The following MORC4 variants were observed in gnomAD, a reference collection of about 807,000 sequenced individuals.
The protein encoded by MORC4 is MORC family CW-type zinc finger protein 4.
In MORC4, 22 loss-of-function variants were observed where a neutral mutation model predicts 65.5. That is an observed-to-expected ratio of 0.34 (90% CI 0.24 to 0.48). The LOEUF is 0.48. Ranked by LOEUF, MORC4 falls within the 20% of genes least tolerant of loss-of-function variation. The pLI is 0.99. For missense variants in MORC4, 624 were observed against 703.0 expected, an observed-to-expected ratio of 0.89 and a Z score of 1.27; for synonymous variants, 267 against 255.8, an observed-to-expected ratio of 1.04 and a Z score of -0.42.
intron 16 of MORC4, 96 bp from the exon 17 acceptor site, chrX:106,941,728 C>A: frequency 1.1e-6 from 1 of 937,283 alleles, no homozygotes; most frequent in South Asian, 2.4e-5. Context: ...CCACATTTCT[C>A]AACAGTTATG....
intron 2 of MORC4, among the ~76,000 whole-genome samples, chrX:106,998,684 C>A (rs1384006079): frequency 4.5e-5 from 5 of 112,058 alleles, no homozygotes; most frequent in African/African-American, 1.6e-4. Flanking sequence ...TGCCTTTCAC[C>A]TTCTAATTAA....
chrX:106,942,395 G>A, intron 15 of MORC4, 120 bp downstream of exon 15: 1 of 872,396 alleles, frequency 1.1e-6, no homozygotes, highest in Non-Finnish European at 1.6e-6. Flanking sequence ...ACACACCACA[G>A]AATAGTTCAG....
At chrX:106,993,107 A>G (rs1935010657) in intron 3 of MORC4, 123 bp downstream of exon 3, 2 of 739,350 alleles carry the variant, frequency 2.7e-6, no homozygotes, top group South Asian at 3.1e-5. Context: ...CTGGCACATA[A>G]GAGATGCTTA....
chrX:106,992,355 A>G (rs1934999293), intron 3 of MORC4, among the ~76,000 whole-genome samples: 1 of 112,373 alleles, frequency 8.9e-6, no homozygotes, highest in Non-Finnish European at 1.9e-5. Flanking sequence ...CCTCCTCCAC[A>G]GCATTCCACC....
rs765658731 is a variant in MORC4, at chrX:106,942,221, C to T, written c.2377G>A (p.Val793Met). 3.9e-5 allele frequency: 47 copies of T among 1,198,694 alleles called. No individual in the cohort carries two copies. In the Admixed American group the frequency reaches 5.2e-4, roughly 13 times the overall value. ...LAERNLFQQK[V>M]EELEQERNHW... Reference sequence around the variant, plus strand: ...TTCCTCTCCTGTTCCAGCTCCTCCACCTGCAGTCCAAGAAACAGAAATTCA... The same window carrying T: ...TTCCTCTCCTGTTCCAGCTCCTCCATCTGCAGTCCAAGAAACAGAAATTCA... The change falls in exon 16 of 17, where the codon GTG (valine) becomes ATG (methionine). Residue 793 changes from valine to methionine, a missense_variant and splice_region_variant. Val to Met is a conservative substitution (Grantham distance 21). Transcript: ENST00000355610.
chrX:106,977,239 T>G lies in MORC4; in HGVS notation c.1057-555A>C, dbSNP rs1328659067. Reference sequence around the variant, plus strand: ...AGTTTTATAGATTTAAATCATATTCTAATTCTTTAATGGAAGAAACTAAGT... The same window carrying G: ...AGTTTTATAGATTTAAATCATATTCGAATTCTTTAATGGAAGAAACTAAGT... On this transcript the variant is annotated intron_variant, in intron 8 of 16. Transcript: ENST00000355610. Among the ~76,000 whole-genome samples the G allele has an allele frequency of 2.7e-5, 3 of 111,778 alleles. No individual in the cohort carries two copies. The Admixed American group carries it at 2.9e-4, about 11-fold the overall frequency.
At chrX:106,961,938 C>T in intron 10 of MORC4, 74 bp downstream of exon 10, 2 of 877,690 alleles carry the variant, frequency 2.3e-6, no homozygotes, top group Non-Finnish European at 3.3e-6. Context: ...AATCCAGACA[C>T]ATTACCCTTG....
chrX:106,999,932 G>A lies in MORC4; in HGVS notation c.38C>T (p.Ala13Val). The A allele has an allele frequency of 2.3e-6, 2 of 870,274 alleles. No homozygotes were observed. The highest frequency in any genetic ancestry group is 2.8e-6 in the Non-Finnish European group (2 of 709,966). 71.7% of individuals were successfully genotyped at this position (870,274 alleles called of 1,213,427 possible). A position where few individuals can be genotyped will look rare whatever the true frequency, so the allele number is the denominator to read the frequency against. The change falls in exon 1 of 17, where the codon GCG becomes GTG. Residue 13 changes from alanine (A) to valine (V), a missense_variant. By Grantham distance (64) the Ala-to-Val change is moderately conservative (BLOSUM62 0). Transcript: ENST00000355610. ...LYRGAPAGPG[A>V]PGCGLARPGG... ...GGGCCGGGCCAGCCCGCAGCCCGGC[G>A]CGCCAGGGCCGGCGGGGGCCCCTCG...
In MORC4 at chrX:106,999,949, G is replaced by A. The variant is rs774510806; in HGVS notation, c.21C>T (p.Ala7=). ...AGCCCGGCGCGCCAGGGCCGGCGGG[G>A]GCCCCTCGGTACAGGAGCATTTTTT... MLLYRG[A]PAGPGAPGCG... The change falls in exon 1 of 17, where the codon GCC becomes GCT. Residue 7 remains alanine (A), a synonymous_variant. Coordinates refer to ENST00000355610, the MANE Select transcript of MORC4 (RefSeq NM_024657.5). 2 of 877,472 alleles carry A rather than the reference G, an allele frequency of 2.3e-6. No homozygotes were observed. Among genetic ancestry groups the A allele is most frequent in the Admixed American group, 9.5e-5 (2 of 21,076 alleles). The allele number at this position is 877,472 out of a possible 1,213,427, so 72.3% of individuals were successfully genotyped here.
chrX:106,996,115 G>C (rs906187835), intron 2 of MORC4, among the ~76,000 whole-genome samples: 3 of 110,557 alleles, frequency 2.7e-5, no homozygotes, highest in Non-Finnish European at 3.8e-5. Context: ...CAGCTCAAAG[G>C]CCTCTCACAA....
rs1935145294 is a variant in MORC4 at position 106,999,766 on chromosome X, G to A, written c.103-17C>T. The A allele has an allele frequency of 9.4e-7, 1 of 1,067,900 alleles. No homozygotes were observed. Among genetic ancestry groups the A allele is most frequent in the African/African-American group, 2.0e-5 (1 of 50,139 alleles). 88.0% of individuals were successfully genotyped at this position (1,067,900 alleles called of 1,213,427 possible). Reference sequence around the variant, plus strand: ...GGGGCTCATCTGGGGGCGAGAGAAGGTCCCGACCCGCGTGAGGCCTCGGCC... The same window carrying A: ...GGGGCTCATCTGGGGGCGAGAGAAGATCCCGACCCGCGTGAGGCCTCGGCC... On this transcript the variant is annotated splice_polypyrimidine_tract_variant and intron_variant, in intron 1 of 16. Transcript: ENST00000355610.
At chrX:106,962,682 C>T (rs1490051326) in intron 9 of MORC4, among the ~76,000 whole-genome samples, 6 of 112,050 alleles carry the variant, frequency 5.4e-5, no homozygotes, top group Non-Finnish European at 7.5e-5. Context: ...ACCACATAGC[C>T]GTTACTGGAG....
rs2030843585 is a variant in MORC4, at chrX:106,981,476, T to C, written c.676A>G (p.Asn226Asp). 9 of 1,190,362 alleles carry C rather than the reference T, an allele frequency of 7.6e-6. No homozygotes were observed. Among genetic ancestry groups the C allele is most frequent in the Non-Finnish European group, 1.0e-5 (9 of 886,825 alleles). Residue 226 changes from asparagine (N) to aspartate (D), a missense_variant and splice_region_variant, in exon 6 of 17, where the codon AAT becomes GAT. Coordinates refer to ENST00000355610, the MANE Select transcript of MORC4 (RefSeq NM_024657.5). ...TCCAACTCAGATTTTCCATTTTTATTTCTGGGGAAAAGAGACAAGTACCAA... is the reference window on the plus strand; with the variant it reads ...TCCAACTCAGATTTTCCATTTTTATCTCTGGGGAAAAGAGACAAGTACCAA... ...TRVLIWNIRRNKNGKSELDFD... is the reference protein window; with the variant it reads ...TRVLIWNIRRDKNGKSELDFD...
intron 5 of MORC4, among the ~76,000 whole-genome samples, chrX:106,981,750 T>C (rs1292617298): frequency 1.8e-5 from 2 of 111,769 alleles, no homozygotes; most frequent in Non-Finnish European, 3.8e-5. Flanking sequence ...TATGATCTGA[T>C]AAATCAAATG....
At chrX:106,967,765 G>C (rs1732212990) in intron 9 of MORC4, among the ~76,000 whole-genome samples, 1 of 111,726 alleles carries the variant, frequency 9.0e-6, no homozygotes, top group Non-Finnish European at 1.9e-5. Context: ...CAAGATTAGA[G>C]AAAAAAGAGT....
intron 9 of MORC4, among the ~76,000 whole-genome samples, chrX:106,971,838 G>A (rs2225149): frequency 0.062 from 6,880 of 111,832 alleles, 580 homozygotes; most frequent in African/African-American, 0.21. Context: ...GAGAGGTTAT[G>A]GAAAAATAGG....
intron 2 of MORC4, 75 bp from the exon 3 acceptor site, chrX:106,993,437 C>T: frequency 9.7e-7 from 1 of 1,035,193 alleles, no homozygotes; most frequent in African/African-American, 1.9e-5. Flanking sequence ...TCAGTGACGC[C>T]AAGACATAAG....
intron 14 of MORC4, among the ~76,000 whole-genome samples, chrX:106,950,661 G>A (rs1201762589): frequency 8.9e-6 from 1 of 111,899 alleles, no homozygotes; most frequent in Non-Finnish European, 1.9e-5. Context: ...GGAAGAGAAG[G>A]CTGGGAGAAG....
At chrX:106,975,405 G>T (rs1934602434) in intron 9 of MORC4, among the ~76,000 whole-genome samples, 1 of 111,190 alleles carries the variant, frequency 9.0e-6, no homozygotes, top group Admixed American at 9.6e-5. Flanking sequence ...GCAGGTAGTT[G>T]TCATAACCAC....
Sources: gnomAD v4.1 joint callset for allele counts (sites outside exome capture counted in the v4.1 genomes callset) on GRCh38, gnomAD v4.1.1 for gene constraint, MANE v1.5 for transcripts, NCBI Gene and HGNC (gene_info 2026-07-23, HGNC 2026-07-21) for gene names.